The following GRID1 variants were observed in gnomAD, a reference collection of about 807,000 sequenced individuals.
GRID1 encodes glutamate ionotropic receptor delta type subunit 1.
GRID1 carries 28 observed loss-of-function variants against 98.0 expected under a neutral mutation model. The observed-to-expected ratio is 0.29, with a 90% CI of 0.21 to 0.39. GRID1 has a LOEUF of 0.39. Ranked by LOEUF, GRID1 falls within the 10% of genes least tolerant of loss-of-function variation. The probability of loss-of-function intolerance (pLI) is 1.00; values close to 1 mark genes in which losing one functional copy is unlikely to be tolerated. For synonymous variants in GRID1, 553 were observed against 538.5 expected, an observed-to-expected ratio of 1.03 and a Z score of -0.37; for missense variants, 1,111 against 1,340.5, an observed-to-expected ratio of 0.83 and a Z score of 2.67.
chr10:85,778,229 A>ACC (rs1842349820), intron 8 of GRID1, among the ~76,000 whole-genome samples: 1 of 152,098 alleles, frequency 6.6e-6, no homozygotes, highest in Non-Finnish European at 1.5e-5. Context: ...CATGAGATGA[A>ACC]CCCGTGTCTG....
chr10:86,189,659 A>G (rs1226482300), intron 3 of GRID1, among the ~76,000 whole-genome samples: 1 of 152,166 alleles, frequency 6.6e-6, no homozygotes, highest in Non-Finnish European at 1.5e-5. Context: ...TTGAGGCCAG[A>G]AAGTTCTTTA....
At chr10:86,008,201 G>C (rs1267292238) in intron 4 of GRID1, among the ~76,000 whole-genome samples, 1 of 152,150 alleles carries the variant, frequency 6.6e-6, no homozygotes, top group Non-Finnish European at 1.5e-5. Flanking sequence ...GCCAGAGTGA[G>C]CAGGGCCTTA....
At chr10:86,215,970 T>C (rs981932468) in intron 2 of GRID1, among the ~76,000 whole-genome samples, 5 of 152,230 alleles carry the variant, frequency 3.3e-5, no homozygotes, top group Non-Finnish European at 5.9e-5. Flanking sequence ...CCATGCTCTC[T>C]ACATGTAGAC....
chr10:85,950,331 A>C (rs917965345), intron 4 of GRID1, among the ~76,000 whole-genome samples: 2 of 152,202 alleles, frequency 1.3e-5, no homozygotes, highest in African/African-American at 4.8e-5. Context: ...AGTGGCAAGA[A>C]CATTGAGAGA....
At chr10:86,236,081 A>T (rs1049832181) in intron 2 of GRID1, among the ~76,000 whole-genome samples, 6 of 152,192 alleles carry the variant, frequency 3.9e-5, no homozygotes, top group Admixed American at 2.6e-4. Flanking sequence ...TATTATAGTC[A>T]TCCTAGTGGG....
intron 1 of GRID1, among the ~76,000 whole-genome samples, chr10:86,364,306 C>G (rs1470747932): frequency 6.6e-6 from 1 of 152,220 alleles, no homozygotes; most frequent in African/African-American, 2.4e-5. Flanking sequence ...TCAGCGCACA[C>G]GTGCACACAG....
intron 4 of GRID1, among the ~76,000 whole-genome samples, chr10:85,990,571 C>A (rs1390138053): frequency 6.6e-6 from 1 of 152,192 alleles, no homozygotes; most frequent in East Asian, 1.9e-4. Context: ...AAGGAAGCAG[C>A]CAAAACCTTT....
At chr10:86,074,759 G>A (rs1843856835) in intron 4 of GRID1, among the ~76,000 whole-genome samples, 1 of 152,220 alleles carries the variant, frequency 6.6e-6, no homozygotes, top group Admixed American at 6.5e-5. Flanking sequence ...TGATGGAAAG[G>A]AATGTGTTAT....
intron 5 of GRID1, among the ~76,000 whole-genome samples, chr10:85,911,202 C>G (rs1044587064): frequency 1.1e-4 from 16 of 152,020 alleles, no homozygotes; most frequent in African/African-American, 3.9e-4. Context: ...TTTGTTTTTT[C>G]TGTGTCTGAG....
chr10:85,802,197 C>T (rs1352212756), intron 8 of GRID1, among the ~76,000 whole-genome samples: 1 of 151,946 alleles, frequency 6.6e-6, no homozygotes, highest in Non-Finnish European at 1.5e-5. Flanking sequence ...CAAAGAAATG[C>T]TAATCAAAAA....
chr10:85,603,365 T>C (rs1217172543), intron 15 of GRID1, among the ~76,000 whole-genome samples: 1 of 152,066 alleles, frequency 6.6e-6, no homozygotes, highest in East Asian at 1.9e-4. Flanking sequence ...TGGGTGGAGA[T>C]TGTGAGGAAT....
chr10:86,146,098 T>C (rs35809357), intron 3 of GRID1, among the ~76,000 whole-genome samples: 16,200 of 152,258 alleles, frequency 0.11, 1,230 homozygotes, highest in African/African-American at 0.21. Context: ...TTGCTTCCCC[T>C]ACTATTTTCA....
chr10:86,122,294 TCCC>T (rs1844687945), intron 4 of GRID1, among the ~76,000 whole-genome samples: 1 of 152,164 alleles, frequency 6.6e-6, no homozygotes, highest in African/African-American at 2.4e-5. Context: ...TGTTCCCCGC[TCCC>T]TACCCTGAGG....
At chr10:85,953,997 A>C (rs1160290854) in intron 4 of GRID1, among the ~76,000 whole-genome samples, 1 of 152,218 alleles carries the variant, frequency 6.6e-6, no homozygotes, top group Non-Finnish European at 1.5e-5. Flanking sequence ...AGGGCAAAAT[A>C]ATCTCCAAAT....
rs372790117 is a variant in GRID1 at position 85,677,804 on chromosome 10, T to C, written c.1998-30407A>G. ...TGAAGGAAAATAACCTCTAAGAATA[T>C]TCACGGAAGTGAGAAAAGCATGCAC... On this transcript the variant is annotated intron_variant, in intron 12 of 15. Coordinates refer to ENST00000327946, the MANE Select transcript of GRID1 (RefSeq NM_017551.3). 3.3e-5 allele frequency among the ~76,000 whole-genome samples: 5 copies of C among 152,076 alleles called. No homozygotes were observed. The East Asian group carries it at 5.8e-4, about 18-fold the overall frequency.
chr10:85,835,970 G>A (rs1393477465), intron 8 of GRID1, among the ~76,000 whole-genome samples: 1 of 151,984 alleles, frequency 6.6e-6, no homozygotes, highest in East Asian at 1.9e-4. Flanking sequence ...GAAATTCTTA[G>A]AAAATATATA....
rs201388724 is a variant in GRID1, at chr10:85,821,531, A to C, written c.1233+32965T>G. 8.9e-4 allele frequency among the ~76,000 whole-genome samples: 86 copies of C among 96,294 alleles called. 5 individuals carry two copies. Among genetic ancestry groups the C allele is most frequent in the African/African-American group, 3.1e-3 (71 of 22,864 alleles). The allele number at this position is 96,294 out of a possible 152,430, so 63.2% of individuals were successfully genotyped here. ...GACTTCATCTCAAAAAAAAAAAAAA[A>C]AAAAAAAAAAAAAAGAAAACAGATC... On this transcript the variant is annotated intron_variant, in intron 8 of 15. Coordinates refer to ENST00000327946, the MANE Select transcript of GRID1 (RefSeq NM_017551.3).
At chr10:85,819,931 G>C (rs1175856186) in intron 8 of GRID1, among the ~76,000 whole-genome samples, 1 of 147,692 alleles carries the variant, frequency 6.8e-6, no homozygotes, top group Non-Finnish European at 1.5e-5. Context: ...GAGAGAATGA[G>C]AGAGAGAGAG....
At chr10:85,848,462 C>T (rs1843027267) in intron 8 of GRID1, among the ~76,000 whole-genome samples, 1 of 151,930 alleles carries the variant, frequency 6.6e-6, no homozygotes, top group African/African-American at 2.4e-5. Context: ...CTGAAAAAAT[C>T]ATAGTTGTAA....
Sources: gnomAD v4.1 joint callset for allele counts (sites outside exome capture counted in the v4.1 genomes callset) on GRCh38, gnomAD v4.1.1 for gene constraint, MANE v1.5 for transcripts, NCBI Gene and HGNC (gene_info 2026-07-23, HGNC 2026-07-21) for gene names.